Variants in HSPA14 observed in about 807,000 individuals in gnomAD.
The protein encoded by HSPA14 is heat shock 70 kDa protein 14.
A neutral mutation model predicts 65.5 loss-of-function variants in HSPA14; 37 were observed. The observed-to-expected ratio is 0.56, with a 90% confidence interval of 0.43 to 0.74. The LOEUF is 0.74. Ranked by LOEUF, HSPA14 falls within the 30% of genes least tolerant of loss-of-function variation. The pLI is 0.00. For synonymous variants in HSPA14, 203 were observed against 214.2 expected, an observed-to-expected ratio of 0.95 and a Z score of 0.46; for missense variants, 564 against 607.6, an observed-to-expected ratio of 0.93 and a Z score of 0.75.
chr10:14,861,548 C>T (rs1459338766), intron 10 of HSPA14, among the ~76,000 whole-genome samples: 1 of 152,088 alleles, frequency 6.6e-6, no homozygotes, highest in Non-Finnish European at 1.5e-5. Context: ...TGGGCTCAAG[C>T]AGTCCACCCA....
At chr10:14,848,583 C>T in intron 3 of HSPA14, 26 bp from the exon 4 acceptor site, 10 of 1,564,062 alleles carry the variant, frequency 6.4e-6, no homozygotes, top group Non-Finnish European at 8.8e-6. Flanking sequence ...TAATACTTAG[C>T]TATCTTTATC....
chr10:14,865,007 C>T (rs368465714), intron 10 of HSPA14, among the ~76,000 whole-genome samples: 31 of 152,134 alleles, frequency 2.0e-4, no homozygotes, highest in Middle Eastern at 3.4e-3. Context: ...TTTTAATGAT[C>T]GCCATTCTAA....
At chr10:14,861,742 G>T (rs530375916) in intron 10 of HSPA14, among the ~76,000 whole-genome samples, 1 of 152,034 alleles carries the variant, frequency 6.6e-6, no homozygotes, top group Non-Finnish European at 1.5e-5. Context: ...AGCCAGGCTC[G>T]GTAGCTCACA....
intron 3 of HSPA14, among the ~76,000 whole-genome samples, chr10:14,840,694 T>C (rs1457374128): frequency 1.3e-5 from 2 of 152,226 alleles, no homozygotes; most frequent in Non-Finnish European, 2.9e-5. Flanking sequence ...AATTAGAAGA[T>C]TAAAACAGGC....
At chr10:14,838,544 G>T in intron 1 of HSPA14, 85 bp downstream of exon 1, 1 of 1,336,778 alleles carries the variant, frequency 7.5e-7, no homozygotes, top group Non-Finnish European at 1.0e-6. Flanking sequence ...TGAGAGCGGC[G>T]TGTCGCCGGC....
rs546945816 is a variant in HSPA14, at chr10:14,864,674, A to G, written c.994-2409A>G. ...TGAACTCGTCATTTTTTATGGCTGC[A>G]TAGTATTCCATGGTGTATATGTGCC... is the stretch of plus-strand genomic sequence containing the variant. On this transcript the variant is annotated intron_variant, in intron 10 of 13. Coordinates refer to ENST00000378372, the MANE Select transcript of HSPA14 (RefSeq NM_016299.4). 3.3e-5 allele frequency among the ~76,000 whole-genome samples: 5 copies of G among 152,320 alleles called. No homozygotes were observed. In the South Asian group the frequency reaches 1.0e-3, roughly 32 times the overall value.
chr10:14,866,063 C>T (rs938387645), intron 10 of HSPA14, among the ~76,000 whole-genome samples: 1 of 151,970 alleles, frequency 6.6e-6, no homozygotes, highest in Non-Finnish European at 1.5e-5. Flanking sequence ...AGGTATACCA[C>T]TTGCTACTTA....
rs375004850 is a variant in HSPA14 at position 14,848,639 on chromosome 10, C to G, written c.252C>G (p.Ile84Met). 6 of 1,610,872 alleles carry G rather than the reference C, an allele frequency of 3.7e-6. No individual in the cohort carries two copies. In the African/African-American group the frequency reaches 6.7e-5, roughly 18 times the overall value. The change falls in exon 4 of 14, where the codon ATC (isoleucine) becomes ATG (methionine). Residue 84 changes from isoleucine to methionine, a missense_variant. Physicochemically the swap from Ile to Met is conservative, Grantham distance 10. Transcript: ENST00000378372. ...GTGATCCACAAGCTCAGAAATACAT[C>G]GCGGAAAGTAAATGTTTAGTGAGTA... ...SSSDPQAQKY[I>M]AESKCLVIEK...
intron 10 of HSPA14, among the ~76,000 whole-genome samples, chr10:14,857,961 G>GA (rs1458171270): frequency 6.6e-6 from 1 of 151,948 alleles, no homozygotes; most frequent in Non-Finnish European, 1.5e-5. Flanking sequence ...TGAAGGCTGG[G>GA]AGGCGGATTG....
intron 8 of HSPA14, among the ~76,000 whole-genome samples, chr10:14,853,176 A>T (rs908536342): frequency 6.6e-6 from 1 of 151,976 alleles, no homozygotes; most frequent in African/African-American, 2.4e-5. Flanking sequence ...ATAATGTCTC[A>T]CTTGTTTGAT....
At chr10:14,868,020 TTTTTATGAAGGA>T in intron 12 of HSPA14, 111 bp downstream of exon 12, 1 of 802,572 alleles carries the variant, frequency 1.2e-6, no homozygotes, top group South Asian at 2.3e-5. Flanking sequence ...ACCTAATACA[TTTTTATGAAGGA>T]TTTTATGAAG....
intron 4 of HSPA14, 45 bp downstream of exon 4, chr10:14,848,702 A>G (rs1484818192): frequency 5.3e-6 from 8 of 1,505,058 alleles, no homozygotes; most frequent in Non-Finnish European, 7.4e-6. Context: ...TAGAGTAATT[A>G]CCAAGGTGAT....
intron 3 of HSPA14, chr10:14,843,571 G>A (rs1233309470): frequency 6.4e-7 from 1 of 1,550,564 alleles, no homozygotes; most frequent in Non-Finnish European, 8.7e-7. Flanking sequence ...TTTTGTTTCT[G>A]GTGGGGATAG....
At chr10:14,869,408 T>G (rs970416221) in intron 12 of HSPA14, among the ~76,000 whole-genome samples, 1 of 152,042 alleles carries the variant, frequency 6.6e-6, no homozygotes, top group Non-Finnish European at 1.5e-5. Context: ...CTGATTCTCC[T>G]GCCTCAGCCT....
chr10:14,843,278 A>C, intron 3 of HSPA14: 2 of 1,466,004 alleles, frequency 1.4e-6, no homozygotes, highest in Non-Finnish European at 1.9e-6. Context: ...AGGAACAACC[A>C]TAGTTTTATA....
chr10:14,867,696 T>C, intron 11 of HSPA14, 40 bp from the exon 12 acceptor site: 4 of 1,565,058 alleles, frequency 2.6e-6, no homozygotes, highest in Non-Finnish European at 3.5e-6. Context: ...ATTGTAAAGA[T>C]AAATACCAAA....
chr10:14,841,913 T>C (rs1043499101), intron 3 of HSPA14, among the ~76,000 whole-genome samples: 2 of 152,148 alleles, frequency 1.3e-5, no homozygotes, highest in African/African-American at 4.8e-5. Context: ...TACAGATCCA[T>C]TGTTGTACCA....
At chr10:14,856,619 T>C (rs1212414809) in intron 10 of HSPA14, among the ~76,000 whole-genome samples, 1 of 152,170 alleles carries the variant, frequency 6.6e-6, no homozygotes, top group Non-Finnish European at 1.5e-5. Flanking sequence ...GCCAACACTT[T>C]GGGAGGTCAA....
At chr10:14,844,440 T>C (rs1460537186) in intron 3 of HSPA14, 1 of 992,318 alleles carries the variant, frequency 1.0e-6, no homozygotes, top group African/African-American at 1.7e-5. Flanking sequence ...GACTGCTTCA[T>C]GGAGTTTGAA....
Sources: allele counts gnomAD v4.1 joint callset (sites outside exome capture counted in the v4.1 genomes callset), GRCh38; gene constraint gnomAD v4.1.1; transcripts MANE v1.5; gene names NCBI Gene and HGNC (gene_info 2026-07-23, HGNC 2026-07-21).